Variants in SGIP1 observed in about 807,000 individuals in gnomAD.
The protein encoded by SGIP1 is SH3-containing GRB2-like protein 3-interacting protein 1.
A neutral mutation model predicts 107.5 loss-of-function variants in SGIP1; 38 were observed. The observed-to-expected ratio is 0.35, with a 90% CI of 0.27 to 0.46. The LOEUF (loss-of-function observed/expected upper bound fraction) is 0.46. Among genes scored for constraint, SGIP1 ranks in the 20% least tolerant of loss-of-function variants. The pLI, the probability that SGIP1 is intolerant of heterozygous loss-of-function variation, is 1.00. For missense variants in SGIP1, 929 were observed against 1,019.5 expected, an observed-to-expected ratio of 0.91 and a Z score of 1.21; for synonymous variants, 365 against 366.1, an observed-to-expected ratio of 1.00 and a Z score of 0.03.
intron 14 of SGIP1, 46 bp from the exon 15 acceptor site, chr1:66,681,822 CA>C: frequency 2.6e-6 from 4 of 1,556,466 alleles, no homozygotes; most frequent in Non-Finnish European, 3.5e-6. Context: ...ACTCCCCACA[CA>C]AATAATAAGT....
chr1:66,598,779 C>T lies in SGIP1; in HGVS notation c.11-27068C>T, dbSNP rs920256191. Among the ~76,000 whole-genome samples the T allele has an allele frequency of 2.6e-5, 4 of 152,156 alleles. 1 individual carries two copies. In the South Asian group the frequency reaches 6.2e-4, roughly 24 times the overall value. ...GCTAAACCATTCACGAGAACTCCGACCCCACGATCCAATCACCTCCCACCA... is the reference window on the plus strand; with the variant it reads ...GCTAAACCATTCACGAGAACTCCGATCCCACGATCCAATCACCTCCCACCA... On this transcript the variant is annotated intron_variant, in intron 1 of 24. Transcript: ENST00000371037.
chr1:66,704,107 C>T (rs990600173), intron 18 of SGIP1, among the ~76,000 whole-genome samples: 2 of 152,000 alleles, frequency 1.3e-5, no homozygotes, highest in African/African-American at 4.8e-5. Flanking sequence ...ATATAAGCAA[C>T]TGTTGTCCAA....
At position 66,677,010 on chromosome 1, in the gene SGIP1, T is replaced by C. The variant is rs764663195; in HGVS notation, c.653T>C (p.Leu218Ser). Residue 218 changes from leucine (L) to serine (S), a missense_variant, in exon 13 of 25, where the codon TTA becomes TCA. Physicochemically the swap from Leu to Ser is moderately radical, Grantham distance 145 (BLOSUM62 -2). Transcript: ENST00000371037. ...AFDEQKTEVL[L>S]DQPEIWGSGQ... ...TCTTCTTTTTTGTTTCCAGTTCTTT[T>C]AGATCAGCCTGAGATATGGGGTTCA... is the stretch of plus-strand genomic sequence containing the variant. 1.2e-5 allele frequency: 20 copies of C among 1,607,764 alleles called. No homozygotes were observed. The highest frequency in any genetic ancestry group is 1.6e-5 in the Non-Finnish European group (19 of 1,178,600).
At chr1:66,726,191 C>A (rs1183713053) in intron 19 of SGIP1, among the ~76,000 whole-genome samples, 1 of 152,186 alleles carries the variant, frequency 6.6e-6, no homozygotes, top group Admixed American at 6.5e-5. Context: ...TGCAAGCAGG[C>A]TGGAAGGGTG....
At chr1:66,569,175 A>G (rs1420007050) in intron 1 of SGIP1, among the ~76,000 whole-genome samples, 2 of 151,980 alleles carry the variant, frequency 1.3e-5, no homozygotes, top group Non-Finnish European at 2.9e-5. Flanking sequence ...CCCAGAGAGA[A>G]AGAGTTTTAT....
At chr1:66,629,611 A>G (rs576131284) in intron 2 of SGIP1, among the ~76,000 whole-genome samples, 1 of 152,302 alleles carries the variant, frequency 6.6e-6, no homozygotes. Flanking sequence ...AGGTAACTGA[A>G]ACTTTAAAAT....
intron 2 of SGIP1, among the ~76,000 whole-genome samples, chr1:66,630,816 AAAG>A (rs2074137630): frequency 2.0e-4 from 1 of 5,088 alleles, no homozygotes; most frequent in Non-Finnish European, 3.0e-4. Flanking sequence ...AGAAAGAAAG[AAAG>A]AAAGAAAGAA....
intron 1 of SGIP1, among the ~76,000 whole-genome samples, chr1:66,605,360 C>T (rs1345042289): frequency 6.6e-6 from 1 of 152,038 alleles, no homozygotes; most frequent in Non-Finnish European, 1.5e-5. Flanking sequence ...CCTTACCTTA[C>T]CCCAGGTACC....
At chr1:66,549,900 C>G (rs1198769369) in intron 1 of SGIP1, among the ~76,000 whole-genome samples, 1 of 152,144 alleles carries the variant, frequency 6.6e-6, no homozygotes, top group East Asian at 1.9e-4. Context: ...GCTCCATCTC[C>G]TAAATAAGTG....
At chr1:66,684,225 G>A (rs1452224893) in intron 15 of SGIP1, 3 of 1,550,126 alleles carry the variant, frequency 1.9e-6, no homozygotes, top group Admixed American at 3.9e-5. Flanking sequence ...TAACCAGTGT[G>A]CTCTCCAGGC....
At chr1:66,732,906 A>C (rs1242192675) in intron 20 of SGIP1, among the ~76,000 whole-genome samples, 3 of 152,226 alleles carry the variant, frequency 2.0e-5, no homozygotes, top group Non-Finnish European at 2.9e-5. Flanking sequence ...AACTGTCAGC[A>C]AATGTGTGTG....
At chr1:66,616,739 T>A (rs114655034) in intron 1 of SGIP1, among the ~76,000 whole-genome samples, 1 of 152,344 alleles carries the variant, frequency 6.6e-6, no homozygotes, top group Non-Finnish European at 1.5e-5. Flanking sequence ...CACCAAGTCC[T>A]TTTGTAGCAA....
intron 18 of SGIP1, among the ~76,000 whole-genome samples, chr1:66,697,290 T>A (rs953790166): frequency 6.6e-6 from 1 of 152,352 alleles, no homozygotes. Context: ...ATATCACATT[T>A]TATGAAAATA....
rs1292274597 is a variant in SGIP1, at chr1:66,747,096, C to T, written c.*4001C>T. 6 of 152,050 alleles carry T rather than the reference C, an allele frequency of 3.9e-5. No homozygotes were observed. Among genetic ancestry groups the T allele is most frequent in the African/African-American group, 1.4e-4 (6 of 41,436 alleles). 9.4% of individuals were successfully genotyped at this position (152,050 alleles called of 1,614,324 possible). ...CATGATTCTACTTTACTCAGATATACCACCTTTTGTGGCATTATAAGGAAA... is the reference window on the plus strand; with the variant it reads ...CATGATTCTACTTTACTCAGATATATCACCTTTTGTGGCATTATAAGGAAA... On this transcript the variant is annotated 3_prime_UTR_variant, in exon 25 of 25. Transcript: ENST00000371037.
chr1:66,596,689 A>C (rs2064780696), intron 1 of SGIP1, among the ~76,000 whole-genome samples: 1 of 151,150 alleles, frequency 6.6e-6, no homozygotes. Flanking sequence ...GCCTTCTGCC[A>C]CTCTAAGTAT....
At chr1:66,655,450 C>T (rs149899955) in intron 7 of SGIP1, among the ~76,000 whole-genome samples, 2 of 152,062 alleles carry the variant, frequency 1.3e-5, no homozygotes, top group African/African-American at 4.8e-5. Flanking sequence ...TTGCATTTGC[C>T]GTCTTCTAAA....
At chr1:66,604,677 A>G (rs1463366170) in intron 1 of SGIP1, among the ~76,000 whole-genome samples, 5 of 152,212 alleles carry the variant, frequency 3.3e-5, no homozygotes, top group African/African-American at 1.2e-4. Context: ...TGAATATCCA[A>G]TTCACAAACT....
intron 1 of SGIP1, among the ~76,000 whole-genome samples, chr1:66,580,347 C>A (rs1569924082): frequency 6.6e-6 from 1 of 152,060 alleles, no homozygotes; most frequent in Non-Finnish European, 1.5e-5. Flanking sequence ...AGGGTCTTTG[C>A]GCTTACTCTT....
chr1:66,556,571 G>A (rs1044967087), intron 1 of SGIP1, among the ~76,000 whole-genome samples: 2 of 152,038 alleles, frequency 1.3e-5, no homozygotes, highest in Non-Finnish European at 2.9e-5. Context: ...CTGTGTGCCC[G>A]GCTTTCTTGC....
Sources: allele counts gnomAD v4.1 joint callset (sites outside exome capture counted in the v4.1 genomes callset), GRCh38; gene constraint gnomAD v4.1.1; transcripts MANE v1.5; gene names NCBI Gene and HGNC (gene_info 2026-07-23, HGNC 2026-07-21).